Variants in USH2A observed in about 807,000 individuals in gnomAD.
USH2A encodes the protein Usher syndrome 2A (autosomal recessive, mild).
Under a neutral mutation model 538.9 loss-of-function variants are expected in USH2A, and 443 were observed. That is an observed-to-expected ratio of 0.82 (90% CI 0.76 to 0.89). The LOEUF is 0.89. Among genes scored for constraint, USH2A ranks in the 40% least tolerant of loss-of-function variants. The pLI is 0.00. For synonymous variants in USH2A, 2,413 were observed against 2,273.5 expected, an observed-to-expected ratio of 1.06 and a Z score of -1.75; for missense variants, 6,633 against 6,324.8, an observed-to-expected ratio of 1.05 and a Z score of -1.65.
At chr1:215,801,879 A>G (rs896806333) in intron 49 of USH2A, among the ~76,000 whole-genome samples, 5 of 152,124 alleles carry the variant, frequency 3.3e-5, no homozygotes, top group South Asian at 2.1e-4. Flanking sequence ...CTTACTACAA[A>G]GTTACAGTAA....
intron 27 of USH2A, among the ~76,000 whole-genome samples, chr1:216,073,520 G>A (rs922240980): frequency 6.6e-6 from 1 of 152,090 alleles, no homozygotes; most frequent in African/African-American, 2.4e-5. Context: ...ACACATTAAT[G>A]GATAATTCTA....
intron 61 of USH2A, among the ~76,000 whole-genome samples, chr1:215,703,533 G>T (rs564100113): frequency 3.9e-5 from 6 of 152,290 alleles, no homozygotes; most frequent in Non-Finnish European, 7.3e-5. Context: ...ATCTAGAGAG[G>T]CAGTCTGGCT....
At chr1:215,973,854 T>C (rs1667554260) in intron 35 of USH2A, among the ~76,000 whole-genome samples, 1 of 151,834 alleles carries the variant, frequency 6.6e-6, no homozygotes, top group Admixed American at 6.6e-5. Flanking sequence ...GACAGTTAAT[T>C]CAACTGCTCA....
chr1:215,678,886 T>C (rs1472479385), intron 62 of USH2A, among the ~76,000 whole-genome samples: 1 of 152,206 alleles, frequency 6.6e-6, no homozygotes, highest in Non-Finnish European at 1.5e-5. Context: ...TCAATATTCT[T>C]ATTGTCAATT....
At chr1:215,707,298 C>A (rs902931146) in intron 61 of USH2A, among the ~76,000 whole-genome samples, 6 of 152,146 alleles carry the variant, frequency 3.9e-5, no homozygotes, top group African/African-American at 1.4e-4. Context: ...CTTCTGAGAG[C>A]CCAGGCGCTT....
rs535815627 is a variant in USH2A at position 215,646,852 on chromosome 1, T to TC, written c.14791+669dup. Among the ~76,000 whole-genome samples the TC allele has an allele frequency of 3.0e-3, 453 of 152,312 alleles. 7 individuals are homozygous for TC. Among genetic ancestry groups the TC allele is most frequent in the Non-Finnish European group, 4.3e-3 (293 of 68,026 alleles). On this transcript the variant is annotated intron_variant, in intron 67 of 71. Coordinates refer to ENST00000307340, the MANE Select transcript of USH2A (RefSeq NM_206933.4). ...CTCTTATCTTTTATATCAGATTTTT[T>TC]CTGTGCCTTTTCTATGTTTAGATAC...
intron 37 of USH2A, among the ~76,000 whole-genome samples, chr1:215,949,256 G>A (rs1168770813): frequency 6.6e-6 from 1 of 151,918 alleles, no homozygotes; most frequent in Non-Finnish European, 1.5e-5. Flanking sequence ...AGGTCCTTAT[G>A]GGGAAAATAA....
chr1:216,102,837 A>G (rs977944168), intron 21 of USH2A, among the ~76,000 whole-genome samples: 1 of 152,104 alleles, frequency 6.6e-6, no homozygotes, highest in Non-Finnish European at 1.5e-5. Context: ...ATCTTTTGAT[A>G]TATGTATGTT....
chr1:215,988,774 A>G (rs954920153), intron 35 of USH2A, among the ~76,000 whole-genome samples: 9 of 152,234 alleles, frequency 5.9e-5, no homozygotes, highest in Non-Finnish European at 1.5e-5. Context: ...CTGCTGAACA[A>G]AAGACACCAA....
At chr1:216,319,706 C>T (rs1481643208) in intron 9 of USH2A, among the ~76,000 whole-genome samples, 3 of 152,104 alleles carry the variant, frequency 2.0e-5, no homozygotes, top group Admixed American at 6.5e-5. Context: ...AGTGGGACTA[C>T]GTTTTGAATG....
intron 44 of USH2A, among the ~76,000 whole-genome samples, chr1:215,858,128 A>C (rs988553303): frequency 3.3e-5 from 5 of 152,146 alleles, no homozygotes; most frequent in African/African-American, 1.2e-4. Context: ...AATAGAAAGA[A>C]ATCGGGATTT....
chr1:215,640,127 A>G (rs537484947), intron 68 of USH2A, among the ~76,000 whole-genome samples: 1 of 152,328 alleles, frequency 6.6e-6, no homozygotes, highest in African/African-American at 2.4e-5. Context: ...GAAACCCCTT[A>G]TTCAGGTCCT....
intron 9 of USH2A, among the ~76,000 whole-genome samples, chr1:216,303,269 C>T (rs1005078501): frequency 2.0e-5 from 3 of 151,800 alleles, no homozygotes; most frequent in Non-Finnish European, 4.4e-5. Flanking sequence ...TATTGATATT[C>T]CAGGAAATAT....
At chr1:216,040,715 A>G (rs2030236222) in intron 32 of USH2A, among the ~76,000 whole-genome samples, 1 of 152,028 alleles carries the variant, frequency 6.6e-6, no homozygotes, top group Non-Finnish European at 1.5e-5. Flanking sequence ...GTATACACAC[A>G]TCTTAAGTGG....
At chr1:216,311,042 G>T (rs2037411324) in intron 9 of USH2A, among the ~76,000 whole-genome samples, 1 of 152,196 alleles carries the variant, frequency 6.6e-6, no homozygotes, top group Non-Finnish European at 1.5e-5. Context: ...TATCCTGACA[G>T]TATGGGAAGG....
At position 216,129,666 on chromosome 1, in the gene USH2A, C is replaced by T. The variant is rs9661010; in HGVS notation, c.4628-32453G>A. 4.4e-3 allele frequency among the ~76,000 whole-genome samples: 665 copies of T among 151,958 alleles called. 1 individual carries two copies. The highest frequency in any genetic ancestry group is 0.015 in the African/African-American group (637 of 41,470). On this transcript the variant is annotated intron_variant, in intron 21 of 71. Coordinates refer to ENST00000307340, the MANE Select transcript of USH2A (RefSeq NM_206933.4). ...TTTATAGATTCAATGCAATCCCTAT[C>T]GAAATACTAATGAAGTTCTTTATAA... is the stretch of plus-strand genomic sequence containing the variant.
rs564588972 is a variant in USH2A at position 215,838,059 on chromosome 1, G to C, written c.9303C>G (p.Thr3101=). ...TIYACVKSNG[T]QITTVEDTPS... ...GAGTGTCTTCCACAGTGGTAATTTG[G>C]GTTCCATTGCTTTTCACGCAGGCAT... Residue 3101 remains threonine (T), a synonymous_variant, in exon 47 of 72, where the codon ACC becomes ACG. Transcript: ENST00000307340. 1 of 1,613,870 alleles carries C rather than the reference G, an allele frequency of 6.2e-7. No individual in the cohort carries two copies. The highest frequency in any genetic ancestry group is 2.2e-5 in the East Asian group (1 of 44,848).
At chr1:215,854,032 G>A (rs184226400) in intron 44 of USH2A, among the ~76,000 whole-genome samples, 1 of 152,220 alleles carries the variant, frequency 6.6e-6, no homozygotes, top group African/African-American at 2.4e-5. Context: ...CCACTTTACT[G>A]GTGCCAACTT....
chr1:215,766,700 T>C lies in USH2A; in HGVS notation c.11028A>G (p.Thr3676=). Residue 3676 remains threonine (T), a synonymous_variant, in exon 56 of 72, where the codon ACA becomes ACG. Coordinates refer to ENST00000307340, the MANE Select transcript of USH2A (RefSeq NM_206933.4). ...CTSSEPFLGQ[T]LQAAPEGVWV... ...CATTACCTTCAGGAGCTGCCTGCAG[T>C]GTCTGACCTAGAAAAGGCTCGCTTG... 6.2e-7 allele frequency: 1 copy of C among 1,613,624 alleles called. No individual in the cohort carries two copies. Among genetic ancestry groups the C allele is most frequent in the Non-Finnish European group, 8.5e-7 (1 of 1,179,580 alleles).
Sources: gnomAD v4.1 joint callset for allele counts (sites outside exome capture counted in the v4.1 genomes callset) on GRCh38, gnomAD v4.1.1 for gene constraint, MANE v1.5 for transcripts, NCBI Gene and HGNC (gene_info 2026-07-23, HGNC 2026-07-21) for gene names.